The following TEN1 variants were observed in gnomAD, a reference collection of about 807,000 sequenced individuals.
The protein encoded by TEN1 is CST complex subunit TEN1.
A neutral mutation model predicts 9.3 loss-of-function variants in TEN1; 6 were observed. That is an observed-to-expected ratio of 0.65 (90% CI 0.35 to 1.27). TEN1 has a LOEUF of 1.27. Among genes scored for constraint, TEN1 ranks in the 50% most tolerant of loss-of-function variants. The pLI is 0.03. For synonymous variants in TEN1, 65 were observed against 65.6 expected (o/e 0.99, Z 0.04); for missense variants, 149 against 158.2 (o/e 0.94, Z 0.31).
intron 3 of TEN1, among the ~76,000 whole-genome samples, chr17:75,995,216 G>A (rs1289655145): frequency 8.4e-6 from 1 of 119,098 alleles, no homozygotes; most frequent in Non-Finnish European, 1.7e-5. Context: ...GTGAGACCCT[G>A]TTTCAAAAAA....
Position 75,999,806 on chromosome 17 carries a change from G to A in TEN1, c.251-335G>A, listed in dbSNP as rs536115171. Among the ~76,000 whole-genome samples the A allele has an allele frequency of 1.1e-4, 17 of 152,070 alleles. No homozygotes were observed. The South Asian group carries it at 3.3e-3, about 30-fold the overall frequency. On this transcript the variant is annotated intron_variant, in intron 3 of 3. Coordinates refer to ENST00000397640, the MANE Select transcript of TEN1 (RefSeq NM_001113324.3). ...CTGCTCCTATAAAGCCAAACTTACC[G>A]GGAGCTCAGTCTCTTGGATTTTTAA... is the stretch of plus-strand genomic sequence containing the variant.
intron 1 of TEN1, 64 bp from the exon 2 acceptor site, chr17:75,986,123 C>T: frequency 7.9e-7 from 1 of 1,265,296 alleles, no homozygotes; most frequent in Non-Finnish European, 1.1e-6. Context: ...CTGCTAATCT[C>T]TGTTTTGTAG....
intron 2 of TEN1, 143 bp downstream of exon 2, chr17:75,986,427 C>T (rs1324622325): frequency 1.4e-5 from 11 of 779,228 alleles, no homozygotes; most frequent in Admixed American, 3.5e-5. Context: ...AGTTGCCGGG[C>T]GCGGTGGCTC....
chr17:75,982,489 T>A (rs927094838), intron 1 of TEN1, among the ~76,000 whole-genome samples: 2 of 152,218 alleles, frequency 1.3e-5, no homozygotes, highest in African/African-American at 4.8e-5. Context: ...CTGATATTTC[T>A]TCATGATTAG....
At chr17:75,998,619 G>A (rs991485553) in intron 3 of TEN1, among the ~76,000 whole-genome samples, 5 of 152,196 alleles carry the variant, frequency 3.3e-5, no homozygotes, top group African/African-American at 1.2e-4. Context: ...TAGACTAGAG[G>A]AAAGGGCAGG....
At chr17:75,998,166 T>TC (rs2066228422) in intron 3 of TEN1, among the ~76,000 whole-genome samples, 1 of 148,246 alleles carries the variant, frequency 6.7e-6, no homozygotes, top group African/African-American at 2.6e-5. Context: ...TCCTTTTTTT[T>TC]TCCTTTTTTT....
rs921825172 is a variant in TEN1 at position 76,000,509 on chromosome 17, G to A, written c.*247G>A. 8 of 543,880 alleles carry A rather than the reference G, an allele frequency of 1.5e-5. No homozygotes were observed. Among genetic ancestry groups the A allele is most frequent in the East Asian group, 3.6e-5 (1 of 28,072 alleles). The allele number at this position is 543,880 out of a possible 1,614,324, so 33.7% of individuals were successfully genotyped here. ...CTGCAGGTGGCCGAGCTTGGGCGCC[G>A]GGGCCGTGCTTGGTGTGGGGCCATG... On this transcript the variant is annotated 3_prime_UTR_variant, in exon 4 of 4. Coordinates refer to ENST00000397640, the MANE Select transcript of TEN1 (RefSeq NM_001113324.3). This position sits in a 1 kb window ranked among gnomAD's most constrained non-coding sequence, Gnocchi z 5.9.
chr17:75,998,833 G>T (rs1218949672), intron 3 of TEN1, among the ~76,000 whole-genome samples: 1 of 152,062 alleles, frequency 6.6e-6, no homozygotes, highest in Admixed American at 6.6e-5. Flanking sequence ...TGGGTTTACA[G>T]GTGCCAGCTA....
At chr17:75,988,582 A>AG (rs377495140) in intron 2 of TEN1, among the ~76,000 whole-genome samples, 20,242 of 140,206 alleles carry the variant, frequency 0.14, 4,595 homozygotes, top group African/African-American at 0.48. Context: ...AAAAAAAAAA[A>AG]AAAAAGAAAA....
intron 1 of TEN1, among the ~76,000 whole-genome samples, chr17:75,982,585 C>CTTTGT (rs1001081127): frequency 6.6e-6 from 1 of 152,078 alleles, no homozygotes; most frequent in Non-Finnish European, 1.5e-5. Flanking sequence ...CATAGTTTTG[C>CTTTGT]TTTGTTTTGT....
At position 75,979,267 on chromosome 17, in the gene TEN1, A is replaced by T; in HGVS notation, c.-251A>T. On this transcript the variant is annotated 5_prime_UTR_variant, in exon 1 of 4. Coordinates refer to ENST00000397640, the MANE Select transcript of TEN1 (RefSeq NM_001113324.3). Reference sequence around the variant, plus strand: ...TTTGGCGCGTGAGTGACAGCGGCCCAGACAGAGGGGGCGATGTCCGCGTCG... The same window carrying T: ...TTTGGCGCGTGAGTGACAGCGGCCCTGACAGAGGGGGCGATGTCCGCGTCG... 3 of 738,568 alleles carry T rather than the reference A, an allele frequency of 4.1e-6. No individual in the cohort carries two copies. Among genetic ancestry groups the T allele is most frequent in the Non-Finnish European group, 4.5e-6 (2 of 442,562 alleles). 45.8% of individuals were successfully genotyped at this position (738,568 alleles called of 1,614,324 possible). A position where few individuals can be genotyped will look rare whatever the true frequency, so the allele number is the denominator to read the frequency against.
chr17:75,997,958 G>T (rs767492104), intron 3 of TEN1, among the ~76,000 whole-genome samples: 20 of 151,580 alleles, frequency 1.3e-4, no homozygotes, highest in South Asian at 2.1e-4. Context: ...GGGTTCAAGC[G>T]ATTCTGCCTC....
chr17:75,982,768 T>C (rs2066129134), intron 1 of TEN1, among the ~76,000 whole-genome samples: 1 of 151,656 alleles, frequency 6.6e-6, no homozygotes, highest in Admixed American at 6.6e-5. Context: ...TGGAGTGCAG[T>C]GGCATGATCT....
At chr17:75,997,649 T>C (rs563995513) in intron 3 of TEN1, among the ~76,000 whole-genome samples, 2 of 152,226 alleles carry the variant, frequency 1.3e-5, no homozygotes, top group East Asian at 3.9e-4. Context: ...CTCCTCTATA[T>C]GGAAATAATA....
intron 3 of TEN1, among the ~76,000 whole-genome samples, chr17:75,996,130 C>T (rs774010860): frequency 2.5e-4 from 38 of 152,002 alleles, no homozygotes; most frequent in Non-Finnish European, 4.7e-4. Context: ...TGGCTCATGC[C>T]TGTAATCTCA....
Position 75,992,228 on chromosome 17 carries a change from T to A in TEN1, c.250+605T>A, listed in dbSNP as rs185962813. ...CAGCCTTTAATCTGAGTCTTAAAAA[T>A]TTTTTTTTTTTAGTTTTTTTGAGAC... On this transcript the variant is annotated intron_variant, in intron 3 of 3. Coordinates refer to ENST00000397640, the MANE Select transcript of TEN1 (RefSeq NM_001113324.3). Among the ~76,000 whole-genome samples the A allele has an allele frequency of 0.04, 3,141 of 78,084 alleles. 109 individuals carry two copies. In the East Asian group the frequency reaches 0.46, roughly 11 times the overall value. 51.2% of individuals were successfully genotyped at this position (78,084 alleles called of 152,430 possible). A position where few individuals can be genotyped will look rare whatever the true frequency, so the allele number is the denominator to read the frequency against.
chr17:75,994,896 G>C (rs1014643526), intron 3 of TEN1, among the ~76,000 whole-genome samples: 1 of 152,136 alleles, frequency 6.6e-6, no homozygotes. Context: ...CCTCTGGCCT[G>C]GGCAGAGGGG....
In TEN1 at chr17:75,991,524, G is replaced by C; in HGVS notation, c.151G>C (p.Asp51His). 1 of 1,552,264 alleles carries C rather than the reference G, an allele frequency of 6.4e-7. No homozygotes were observed. Among genetic ancestry groups the C allele is most frequent in the African/African-American group, 1.4e-5 (1 of 73,168 alleles). Residue 51 changes from aspartate to histidine, a missense_variant, in exon 3 of 4, where the codon GAT (aspartate) becomes CAT (histidine). Physicochemically the swap from Asp to His is moderately conservative, Grantham distance 81. Transcript: ENST00000397640. ...AACACTGATGGCTCAGCACGGATCC[G>C]ATCAGCACCAGGTTCTTGTCTGTAC... ...RVTLMAQHGS[D>H]QHQVLVCTKL... is the part of the protein sequence containing the mutation.
At chr17:75,980,999 C>T (rs2066114777) in intron 1 of TEN1, among the ~76,000 whole-genome samples, 1 of 152,106 alleles carries the variant, frequency 6.6e-6, no homozygotes, top group Non-Finnish European at 1.5e-5. Flanking sequence ...TGACAGCTGA[C>T]CTTCTAGTTC....
Sources: allele counts gnomAD v4.1 joint callset (sites outside exome capture counted in the v4.1 genomes callset), GRCh38; gene constraint gnomAD v4.1.1; non-coding constraint Gnocchi (gnomAD v3.1); transcripts MANE v1.5; gene names NCBI Gene and HGNC (gene_info 2026-07-23, HGNC 2026-07-21).